The following ARHGEF9 variants were observed in gnomAD, a reference collection of about 807,000 sequenced individuals.
The protein encoded by ARHGEF9 is Cdc42 guanine nucleotide exchange factor 9, also known as rho guanine nucleotide exchange factor 9.
A neutral mutation model predicts 41.3 loss-of-function variants in ARHGEF9; 2 were observed. That is an observed-to-expected ratio of 0.05 (90% CI 0.02 to 0.15). The LOEUF (loss-of-function observed/expected upper bound fraction) is 0.15. Among genes scored for constraint, ARHGEF9 ranks in the 10% least tolerant of loss-of-function variants. The pLI is 1.00. For missense variants in ARHGEF9, 225 were observed against 424.7 expected (o/e 0.53, Z 4.13); for synonymous variants, 160 against 154.4 (o/e 1.04, Z -0.27).
At chrX:63,728,919 T>C (rs1602596589) in intron 1 of ARHGEF9, among the ~76,000 whole-genome samples, 3 of 111,364 alleles carry the variant, frequency 2.7e-5, no homozygotes, top group African/African-American at 9.8e-5. Flanking sequence ...AGAAGAAGAC[T>C]GGGAAATGTG....
At chrX:63,647,118 A>C (rs782262440) in intron 8 of ARHGEF9, among the ~76,000 whole-genome samples, 3 of 111,941 alleles carry the variant, frequency 2.7e-5, no homozygotes, top group South Asian at 7.5e-4. Context: ...TATCAGTTTA[A>C]GGAGATTTTG....
intron 1 of ARHGEF9, among the ~76,000 whole-genome samples, chrX:63,731,271 T>C (rs1283013725): frequency 2.7e-5 from 3 of 111,887 alleles, no homozygotes; most frequent in African/African-American, 9.8e-5. Flanking sequence ...GCAAATTATT[T>C]TCCCTTGCTC....
intron 1 of ARHGEF9, chrX:63,743,307 T>C (rs150044177): frequency 8.9e-6 from 1 of 112,710 alleles, no homozygotes; most frequent in Non-Finnish European, 1.9e-5. Flanking sequence ...GAGTTGATAA[T>C]ACCTAACGCT....
At chrX:63,648,476 G>C (rs1281831566) in intron 8 of ARHGEF9, among the ~76,000 whole-genome samples, 1 of 111,436 alleles carries the variant, frequency 9.0e-6, no homozygotes, top group Non-Finnish European at 1.9e-5. Context: ...GGAACAACCT[G>C]TACCAGCCAC....
intron 1 of ARHGEF9, among the ~76,000 whole-genome samples, chrX:63,783,572 G>A (rs1556463627): frequency 9.0e-6 from 1 of 111,688 alleles, no homozygotes; most frequent in Non-Finnish European, 1.9e-5. Flanking sequence ...TAAATTTAAT[G>A]GCACTAGATC....
chrX:63,690,571 A>T (rs1309851599), intron 4 of ARHGEF9, among the ~76,000 whole-genome samples: 1 of 111,891 alleles, frequency 8.9e-6, no homozygotes, highest in Non-Finnish European at 1.9e-5. Context: ...AAAAGAACTG[A>T]TAATAATTCT....
At chrX:63,723,705 A>G (rs1390020509) in intron 2 of ARHGEF9, among the ~76,000 whole-genome samples, 1 of 112,109 alleles carries the variant, frequency 8.9e-6, no homozygotes, top group Admixed American at 9.4e-5. Flanking sequence ...TCCAAGAAAA[A>G]ATAAGAGCTG....
intron 7 of ARHGEF9, 33 bp from the exon 8 acceptor site, chrX:63,655,770 T>G (rs1556335238): frequency 8.3e-7 from 1 of 1,201,210 alleles, no homozygotes; most frequent in Admixed American, 2.2e-5. Context: ...CTTGAAGGTA[T>G]GTGCACGGCG....
intron 4 of ARHGEF9, among the ~76,000 whole-genome samples, chrX:63,681,869 T>C: frequency 9.0e-6 from 1 of 110,898 alleles, no homozygotes; most frequent in Non-Finnish European, 1.9e-5. Flanking sequence ...GTCTCAGAGA[T>C]GAAAAGGATT....
intron 6 of ARHGEF9, among the ~76,000 whole-genome samples, chrX:63,666,939 T>C (rs2049614901): frequency 9.0e-6 from 1 of 111,537 alleles, no homozygotes; most frequent in African/African-American, 3.3e-5. Context: ...CAGGTGTGTG[T>C]CAGATGTCAA....
At chrX:63,693,994 C>A (rs782384719) in intron 4 of ARHGEF9, among the ~76,000 whole-genome samples, 3 of 110,476 alleles carry the variant, frequency 2.7e-5, no homozygotes, top group East Asian at 5.8e-4. Context: ...ACCAGCCTGG[C>A]CAACATGGTG....
chrX:63,693,249 G>A (rs2051475606), intron 4 of ARHGEF9, among the ~76,000 whole-genome samples: 1 of 111,849 alleles, frequency 8.9e-6, no homozygotes, highest in African/African-American at 3.3e-5. Flanking sequence ...TAGAAGATTT[G>A]GAATGCCCCC....
intron 9 of ARHGEF9, among the ~76,000 whole-genome samples, chrX:63,639,156 A>G (rs2047469283): frequency 8.9e-6 from 1 of 111,753 alleles, no homozygotes; most frequent in Non-Finnish European, 1.9e-5. Context: ...CCAACATTAC[A>G]GTTACTTTTT....
intron 1 of ARHGEF9, among the ~76,000 whole-genome samples, chrX:63,729,340 A>G (rs1456925294): frequency 9.0e-6 from 1 of 111,577 alleles, no homozygotes; most frequent in East Asian, 2.8e-4. Context: ...ATGCTTAAAG[A>G]TGGAATGTGA....
At chrX:63,720,818 T>C (rs1273766824) in intron 2 of ARHGEF9, among the ~76,000 whole-genome samples, 1 of 112,582 alleles carries the variant, frequency 8.9e-6, no homozygotes, top group Non-Finnish European at 1.9e-5. Context: ...TCTTTAAAAA[T>C]ATGAATTCCT....
chrX:63,705,400 T>C (rs1556400653), intron 3 of ARHGEF9, among the ~76,000 whole-genome samples: 1 of 107,699 alleles, frequency 9.3e-6, no homozygotes, highest in Non-Finnish European at 1.9e-5. Context: ...TGTGTGTGTG[T>C]GTTTAATCCT....
intron 6 of ARHGEF9, among the ~76,000 whole-genome samples, chrX:63,672,256 A>G (rs1286993036): frequency 2.9e-4 from 32 of 110,536 alleles, no homozygotes; most frequent in African/African-American, 1.1e-3. Context: ...CCCAGCTTCC[A>G]CAATTATGAG....
intron 2 of ARHGEF9, among the ~76,000 whole-genome samples, chrX:63,711,456 A>G (rs1347848343): frequency 8.9e-6 from 1 of 112,015 alleles, no homozygotes; most frequent in Non-Finnish European, 1.9e-5. Context: ...ACAAGAATAG[A>G]TATAAAGATC....
chrX:63,686,070 T>C (rs2050963219), intron 4 of ARHGEF9, among the ~76,000 whole-genome samples: 1 of 111,959 alleles, frequency 8.9e-6, no homozygotes, highest in African/African-American at 3.2e-5. Context: ...GGCACTTGCA[T>C]ATTTACCGCA....
Sources: gnomAD v4.1 joint callset for allele counts (sites outside exome capture counted in the v4.1 genomes callset) on GRCh38, gnomAD v4.1.1 for gene constraint, MANE v1.5 for transcripts, NCBI Gene and HGNC (gene_info 2026-07-23, HGNC 2026-07-21) for gene names.